Variants in STK3 observed in about 807,000 individuals in gnomAD.
STK3 encodes the protein serine/threonine kinase 3.
Under a neutral mutation model 58.0 loss-of-function variants are expected in STK3, and 41 were observed. That is an observed-to-expected ratio of 0.71 (90% CI 0.55 to 0.92). STK3 has a LOEUF of 0.92. Ranked by LOEUF, STK3 falls within the 40% of genes least tolerant of loss-of-function variation. STK3 has a pLI of 0.00. For missense variants in STK3, 479 were observed against 602.7 expected (o/e 0.79, Z 2.15); for synonymous variants, 170 against 191.0 (o/e 0.89, Z 0.91).
intron 4 of STK3, among the ~76,000 whole-genome samples, chr8:98,713,807 T>G (rs922047135): frequency 1.3e-5 from 2 of 151,870 alleles, no homozygotes; most frequent in African/African-American, 4.8e-5. Flanking sequence ...TACCAAAGCC[T>G]GGCAGAGACA....
intron 6 of STK3, among the ~76,000 whole-genome samples, chr8:98,668,069 G>A (rs1372188367): frequency 6.6e-6 from 1 of 151,992 alleles, no homozygotes; most frequent in Non-Finnish European, 1.5e-5. Flanking sequence ...CTTTAATTAA[G>A]AAATGAACAT....
At chr8:98,913,730 C>T (rs1839236597) in intron 1 of STK3, among the ~76,000 whole-genome samples, 2 of 152,258 alleles carry the variant, frequency 1.3e-5, no homozygotes, top group South Asian at 4.1e-4. Context: ...GGAAAATAAT[C>T]TTCCACACCA....
chr8:98,744,966 T>C (rs1353471206), intron 4 of STK3, among the ~76,000 whole-genome samples: 1 of 151,168 alleles, frequency 6.6e-6, no homozygotes, highest in Admixed American at 6.6e-5. Flanking sequence ...CCAGCTAGAT[T>C]AAAGATGTAG....
At chr8:98,776,700 C>T (rs1462049134) in intron 1 of STK3, among the ~76,000 whole-genome samples, 3 of 150,780 alleles carry the variant, frequency 2.0e-5, no homozygotes, top group Admixed American at 2.0e-4. Context: ...CAACTATGTT[C>T]AGTAACGATG....
At chr8:98,854,599 A>G (rs1836600244) in intron 3 of STK3, among the ~76,000 whole-genome samples, 1 of 152,238 alleles carries the variant, frequency 6.6e-6, no homozygotes, top group South Asian at 2.1e-4. Flanking sequence ...TCATTTAAAA[A>G]TAAAATTATA....
chr8:98,658,203 T>C (rs1011667784), intron 6 of STK3, among the ~76,000 whole-genome samples: 25 of 152,040 alleles, frequency 1.6e-4, no homozygotes, highest in African/African-American at 5.6e-4. Flanking sequence ...AGCAAAATTA[T>C]AGGATATATG....
intron 10 of STK3, among the ~76,000 whole-genome samples, chr8:98,464,540 T>TAAAAAAAAAAAAAAAAAAA: frequency 7.2e-5 from 5 of 69,218 alleles, no homozygotes; most frequent in East Asian, 4.7e-4. Context: ...TACTTAAAGT[T>TAAAAAAAAAAAAAAAAAAA]AAAAAAAAAA....
rs146126483 is a variant in STK3, at chr8:98,480,159, G to T, written c.1318-24159C>A. Reference sequence around the variant, plus strand: ...TCAGCATAAATTATAGCTAAAAACAGTCCTAAATTTGGCAAGAGATAAATT... The same window carrying T: ...TCAGCATAAATTATAGCTAAAAACATTCCTAAATTTGGCAAGAGATAAATT... On this transcript the variant is annotated intron_variant, in intron 10 of 10. Coordinates refer to ENST00000419617, the MANE Select transcript of STK3 (RefSeq NM_006281.4). 1.2e-4 allele frequency among the ~76,000 whole-genome samples: 19 copies of T among 152,204 alleles called. No individual in the cohort carries two copies. The East Asian group carries it at 3.7e-3, about 29-fold the overall frequency.
At chr8:98,905,053 C>G in intron 1 of STK3, 1 of 1,000,624 alleles carries the variant, frequency 1.0e-6, no homozygotes, top group Non-Finnish European at 1.6e-6. Flanking sequence ...TCCCCATAGC[C>G]CATGGTGTAA....
At chr8:98,867,369 G>A (rs566135684) in intron 3 of STK3, among the ~76,000 whole-genome samples, 3 of 152,272 alleles carry the variant, frequency 2.0e-5, no homozygotes, top group African/African-American at 4.8e-5. Context: ...AGCCGAGATC[G>A]CGCCCCTGCG....
At chr8:98,853,599 C>T (rs1836559487) in intron 3 of STK3, among the ~76,000 whole-genome samples, 1 of 152,170 alleles carries the variant, frequency 6.6e-6, no homozygotes, top group Non-Finnish European at 1.5e-5. Flanking sequence ...GTTGCTGACC[C>T]CTGACTGCTT....
chr8:98,788,028 A>C (rs567075587), intron 1 of STK3, among the ~76,000 whole-genome samples: 8 of 152,362 alleles, frequency 5.3e-5, no homozygotes, highest in Non-Finnish European at 1.0e-4. Flanking sequence ...ATACAATTTA[A>C]AAAACAAAAC....
At chr8:98,926,556 T>C (rs1247613243) in intron 1 of STK3, among the ~76,000 whole-genome samples, 1 of 151,690 alleles carries the variant, frequency 6.6e-6, no homozygotes, top group Non-Finnish European at 1.5e-5. Context: ...TACACACACA[T>C]GCACACACAC....
chr8:98,505,946 C>T (rs760944034), intron 10 of STK3, among the ~76,000 whole-genome samples: 6 of 152,202 alleles, frequency 3.9e-5, no homozygotes, highest in Non-Finnish European at 7.3e-5. Context: ...CAGACAAGGA[C>T]GTTTAAGTCT....
intron 6 of STK3, among the ~76,000 whole-genome samples, chr8:98,602,494 C>T (rs555821929): frequency 4.1e-4 from 63 of 152,328 alleles, no homozygotes; most frequent in Non-Finnish European, 7.5e-4. Context: ...CAATACATAT[C>T]TTTTGTACAT....
At chr8:98,585,204 T>C (rs1270821271) in intron 7 of STK3, among the ~76,000 whole-genome samples, 1 of 151,748 alleles carries the variant, frequency 6.6e-6, no homozygotes, top group Non-Finnish European at 1.5e-5. Context: ...GCCTAGGTTT[T>C]CTTCTAGGGT....
the STK3 span, among the ~76,000 whole-genome samples, chr8:98,359,842 C>G: frequency 2.0e-5 from 3 of 152,156 alleles, no homozygotes; most frequent in Non-Finnish European, 4.4e-5. Flanking sequence ...GCCCTTTCTG[C>G]TCTAATCATT....
At chr8:98,352,179 A>C in the STK3 span, among the ~76,000 whole-genome samples, 426 of 152,002 alleles carry the variant, frequency 2.8e-3, 1 homozygote, top group African/African-American at 9.8e-3. Flanking sequence ...TTCTGACAAA[A>C]GGCCTCAACA....
intron 3 of STK3, among the ~76,000 whole-genome samples, chr8:98,872,733 T>G (rs1262434581): frequency 6.6e-6 from 1 of 152,148 alleles, no homozygotes; most frequent in African/African-American, 2.4e-5. Context: ...TCTCTCTTTT[T>G]TTCTTTATTA....
Sources: allele counts gnomAD v4.1 joint callset (sites outside exome capture counted in the v4.1 genomes callset), GRCh38; gene constraint gnomAD v4.1.1; transcripts MANE v1.5; gene names NCBI Gene and HGNC (gene_info 2026-07-23, HGNC 2026-07-21).